VPS16: variants seen among roughly 807,000 people sequenced by gnomAD.
The protein encoded by VPS16 is VPS16 core subunit of CORVET and HOPS complexes, also known as vacuolar protein sorting-associated protein 16 homolog.
Under a neutral mutation model 116.0 loss-of-function variants are expected in VPS16, and 82 were observed. The ratio of observed to expected loss-of-function variants is 0.71; its 90% CI spans 0.59 to 0.85. VPS16 has a LOEUF of 0.85. Among genes scored for constraint, VPS16 ranks in the 40% least tolerant of loss-of-function variants. VPS16 has a pLI of 0.00. For synonymous variants in VPS16, 406 were observed against 420.7 expected (o/e 0.96, Z 0.43); for missense variants, 928 against 1,090.6 (o/e 0.85, Z 2.10).
At position 2,861,006 on chromosome 20, in the gene VPS16, C is replaced by T; in HGVS notation, c.667C>T (p.Leu223=). ...PGLAPGVSSF[L]QMAVSFTYRH... ...CCTGGCCCCAGGAGTAAGCAGCTTC[C>T]TACAGATGGCTGTCTCCTTCACCTA... Residue 223 remains leucine, a synonymous_variant, in exon 7 of 24, where the codon CTA becomes TTA. Coordinates refer to ENST00000380445, the MANE Select transcript of VPS16 (RefSeq NM_022575.4). The T allele has an allele frequency of 6.2e-7, 1 of 1,614,224 alleles. No homozygotes were observed.
Position 2,864,770 on chromosome 20 carries a change from T to C in VPS16, c.1926+116T>C, listed in dbSNP as rs1443383105. 1.6e-6 allele frequency: 2 copies of C among 1,226,816 alleles called. No individual in the cohort carries two copies. The highest frequency in any genetic ancestry group is 2.3e-6 in the Non-Finnish European group (2 of 855,934). 76.0% of individuals were successfully genotyped at this position (1,226,816 alleles called of 1,614,324 possible). A position where few individuals can be genotyped will look rare whatever the true frequency, so the allele number is the denominator to read the frequency against. On this transcript the variant is annotated intron_variant, in intron 19 of 23. Coordinates refer to ENST00000380445, the MANE Select transcript of VPS16 (RefSeq NM_022575.4). The surrounding 1 kb of genome is among the most constrained non-coding windows in gnomAD (Gnocchi z 5.2). ...GGTGCACACTCCATCTGGTCCTCAC[T>C]GTGAGGGAGACTCTGACGTGAGGCC...
At chr20:2,862,236 A>G in intron 11 of VPS16, 106 bp downstream of exon 11, 1 of 1,345,468 alleles carries the variant, frequency 7.4e-7, no homozygotes, top group Non-Finnish European at 1.0e-6. Flanking sequence ...GGGTCCAGGC[A>G]GGACACTGGT....
intron 1 of VPS16, among the ~76,000 whole-genome samples, chr20:2,852,222 C>A (rs1197962118): frequency 6.6e-6 from 1 of 152,106 alleles, no homozygotes; most frequent in Non-Finnish European, 1.5e-5. Flanking sequence ...TATTCTCACA[C>A]CCTGACTGCT....
chr20:2,864,489 G>A lies in VPS16; in HGVS notation c.1818+27G>A, dbSNP rs1466910391. On this transcript the variant is annotated intron_variant, in intron 18 of 23. Transcript: ENST00000380445. This position sits in a 1 kb window ranked among gnomAD's most constrained non-coding sequence, Gnocchi z 5.2. ...TGTGTGTAGTGGGCAGGGTTGTGGT[G>A]TAGCCTTCTGAGCACTTGAGTTGGC... The A allele has an allele frequency of 4.3e-6, 7 of 1,614,034 alleles. No homozygotes were observed. Among genetic ancestry groups the A allele is most frequent in the Non-Finnish European group, 5.9e-6 (7 of 1,180,012 alleles).
Position 2,860,704 on chromosome 20 carries a change from G to A in VPS16, c.515-44G>A. On this transcript the variant is annotated intron_variant, in intron 5 of 23. Transcript: ENST00000380445. This position sits in a 1 kb window ranked among gnomAD's most constrained non-coding sequence, Gnocchi z 6.1. ...CTAGAGACCCATAGAAACAGAAACGGTGGGCCTTGGTCATCCTAACACTGT... is the reference window on the plus strand; with the variant it reads ...CTAGAGACCCATAGAAACAGAAACGATGGGCCTTGGTCATCCTAACACTGT... 6.2e-7 allele frequency: 1 copy of A among 1,612,160 alleles called. No individual in the cohort carries two copies. Among genetic ancestry groups the A allele is most frequent in the Non-Finnish European group, 8.5e-7 (1 of 1,179,242 alleles).
intron 1 of VPS16, among the ~76,000 whole-genome samples, chr20:2,843,328 A>G (rs1253549436): frequency 6.6e-6 from 1 of 152,152 alleles, no homozygotes; most frequent in East Asian, 1.9e-4. Context: ...GCTACTCGGG[A>G]AGCTGAGGCA....
chr20:2,849,300 CT>C (rs11473184), intron 1 of VPS16, among the ~76,000 whole-genome samples: 258 of 133,662 alleles, frequency 1.9e-3, no homozygotes, highest in African/African-American at 2.2e-3. Context: ...GAATAAGATT[CT>C]TTTTTTTTTT....
Position 2,863,466 on chromosome 20 carries a change from G to A in VPS16, c.1476+68G>A. 6.6e-7 allele frequency: 1 copy of A among 1,526,446 alleles called. No homozygotes were observed. Among genetic ancestry groups the A allele is most frequent in the Non-Finnish European group, 9.1e-7 (1 of 1,103,666 alleles). 94.6% of individuals were successfully genotyped at this position (1,526,446 alleles called of 1,614,324 possible). On this transcript the variant is annotated intron_variant, in intron 15 of 23. Coordinates refer to ENST00000380445, the MANE Select transcript of VPS16 (RefSeq NM_022575.4). The surrounding 1 kb of genome is among the most constrained non-coding windows in gnomAD (Gnocchi z 4.4). ...AGGCCCTGGTGAGGTGGAGGAAATAGAAAGTGTAGAACTGCGCTGGGCACG... is the reference window on the plus strand; with the variant it reads ...AGGCCCTGGTGAGGTGGAGGAAATAAAAAGTGTAGAACTGCGCTGGGCACG...
intron 1 of VPS16, among the ~76,000 whole-genome samples, chr20:2,853,432 G>T (rs1273296731): frequency 6.6e-5 from 10 of 151,336 alleles, no homozygotes; most frequent in Admixed American, 1.3e-4. Flanking sequence ...CACTTTCTTT[G>T]CTCATCCATA....
At chr20:2,855,085 C>A (rs4274657) in intron 1 of VPS16, among the ~76,000 whole-genome samples, 3 of 150,542 alleles carry the variant, frequency 2.0e-5, no homozygotes, top group Non-Finnish European at 4.4e-5. Flanking sequence ...CTCAATCTCC[C>A]GAGTAGCTGG....
At position 2,864,685 on chromosome 20, in the gene VPS16, T is replaced by C; in HGVS notation, c.1926+31T>C. 1 of 1,606,222 alleles carries C rather than the reference T, an allele frequency of 6.2e-7. No homozygotes were observed. The highest frequency in any genetic ancestry group is 1.7e-5 in the Admixed American group (1 of 59,992). ...AGATCCATGGGGCGTGTGGGGCGTG[T>C]GGGGCATGTGGGCTGGGGCTGTTGG... On this transcript the variant is annotated intron_variant, in intron 19 of 23. Transcript: ENST00000380445. The surrounding 1 kb of genome is among the most constrained non-coding windows in gnomAD (Gnocchi z 5.2).
Position 2,861,610 on chromosome 20 carries a change from C to T in VPS16, c.810-5C>T, listed in dbSNP as rs2089228375. On this transcript the variant is annotated splice_region_variant and splice_polypyrimidine_tract_variant and intron_variant, in intron 8 of 23. Transcript: ENST00000380445. ...GTCTAGCCAGTGTGTATATGCTGCT[C>T]ACAGGTGCAGCCGTCCTCGTAGCAA... 3 of 1,607,170 alleles carry T rather than the reference C, an allele frequency of 1.9e-6. No individual in the cohort carries two copies. Among genetic ancestry groups the T allele is most frequent in the African/African-American group, 1.3e-5 (1 of 74,820 alleles).
At chr20:2,845,712 C>G (rs987053571) in intron 1 of VPS16, among the ~76,000 whole-genome samples, 3 of 152,066 alleles carry the variant, frequency 2.0e-5, no homozygotes, top group African/African-American at 7.2e-5. Context: ...TGCAACCAGT[C>G]TCCAGGACTT....
At chr20:2,862,759 G>GGGGGGGGGGGGGGGGGGGGGGT in intron 12 of VPS16, 48 bp from the exon 13 acceptor site, 1 of 777,182 alleles carries the variant, frequency 1.3e-6, no homozygotes, top group East Asian at 4.7e-5. Flanking sequence ...GAGGGGGTGG[G>GGGGGGGGGGGGGGGGGGGGGGT]ATGGGCAGCA....
chr20:2,859,273 A>C (rs1479938572), intron 1 of VPS16, among the ~76,000 whole-genome samples: 1 of 152,158 alleles, frequency 6.6e-6, no homozygotes, highest in Non-Finnish European at 1.5e-5. Context: ...TGGGCAACAC[A>C]CTGAGACCCT....
chr20:2,852,938 A>G (rs2089136136), intron 1 of VPS16, among the ~76,000 whole-genome samples: 1 of 152,264 alleles, frequency 6.6e-6, no homozygotes, highest in Admixed American at 6.5e-5. Flanking sequence ...TCTCAGTAGC[A>G]TGCAATGCTG....
At chr20:2,854,006 T>C (rs944194756) in intron 1 of VPS16, among the ~76,000 whole-genome samples, 13 of 152,232 alleles carry the variant, frequency 8.5e-5, no homozygotes, top group Middle Eastern at 3.4e-3. Context: ...GCATCTACAA[T>C]GGTGACTCCT....
Position 2,862,045 on chromosome 20 carries a change from C to T in VPS16, c.995-9C>T. 1 of 1,613,560 alleles carries T rather than the reference C, an allele frequency of 6.2e-7. No homozygotes were observed. The highest frequency in any genetic ancestry group is 8.5e-7 in the Non-Finnish European group (1 of 1,179,804). The stretch of plus-strand genomic sequence containing the variant: ...CCTTTCTCCCTCACTCACCAACTCC[C>T]TTCCCCAGCGGCCAGCGAGGAAATC... On this transcript the variant is annotated splice_polypyrimidine_tract_variant and intron_variant, in intron 10 of 23. Coordinates refer to ENST00000380445, the MANE Select transcript of VPS16 (RefSeq NM_022575.4).
At position 2,866,421 on chromosome 20, in the gene VPS16, A is replaced by G; in HGVS notation, c.2376-9A>G. On this transcript the variant is annotated splice_polypyrimidine_tract_variant and intron_variant, in intron 23 of 23. Coordinates refer to ENST00000380445, the MANE Select transcript of VPS16 (RefSeq NM_022575.4). ...CCCAACACCACCTCCTCTCTTGCTCAAACCACAGCGATGTGGCTCAGGCTG... is the reference window on the plus strand; with the variant it reads ...CCCAACACCACCTCCTCTCTTGCTCGAACCACAGCGATGTGGCTCAGGCTG... The G allele has an allele frequency of 6.2e-7, 1 of 1,614,148 alleles. No individual in the cohort carries two copies. Among genetic ancestry groups the G allele is most frequent in the Non-Finnish European group, 8.5e-7 (1 of 1,180,012 alleles).
Sources: allele counts gnomAD v4.1 joint callset (sites outside exome capture counted in the v4.1 genomes callset), GRCh38; gene constraint gnomAD v4.1.1; non-coding constraint Gnocchi (gnomAD v3.1); transcripts MANE v1.5; gene names NCBI Gene and HGNC (gene_info 2026-07-23, HGNC 2026-07-21).